STXBP6: variants seen among roughly 807,000 people sequenced by gnomAD.
STXBP6 encodes syntaxin binding protein 6, also known as syntaxin-binding protein 6.
Under a neutral mutation model 26.9 loss-of-function variants are expected in STXBP6, and 21 were observed. That is an observed-to-expected ratio of 0.78 (90% CI 0.55 to 1.12). The LOEUF (loss-of-function observed/expected upper bound fraction) is 1.12, where lower values mean the gene tolerates loss of function less well. Among genes scored for constraint, STXBP6 ranks in the 50% most tolerant of loss-of-function variants. STXBP6 has a pLI of 0.00. For missense variants in STXBP6, 232 were observed against 257.9 expected (o/e 0.90, Z 0.69); for synonymous variants, 97 against 92.6 (o/e 1.05, Z -0.27).
intron 2 of STXBP6, among the ~76,000 whole-genome samples, chr14:24,932,071 C>T (rs2072433009): frequency 6.6e-6 from 1 of 152,032 alleles, no homozygotes; most frequent in African/African-American, 2.4e-5. Context: ...ATCTTGGAAG[C>T]CACAGCACCC....
chr14:24,982,376 CCTT>C (rs1332457199), intron 1 of STXBP6, among the ~76,000 whole-genome samples: 2 of 152,262 alleles, frequency 1.3e-5, no homozygotes, highest in East Asian at 3.9e-4. Context: ...AAAATGGTAC[CCTT>C]CTTCTGTCCA....
chr14:24,940,398 C>T (rs2072759134), intron 2 of STXBP6, among the ~76,000 whole-genome samples: 1 of 152,144 alleles, frequency 6.6e-6, no homozygotes, highest in Non-Finnish European at 1.5e-5. Context: ...AAGCATTCTG[C>T]CAAACAGTGG....
rs74348668 is a variant in STXBP6 at position 24,963,461 on chromosome 14, C to T, written c.154+11204G>A. ...CAGTGTAGCGTAAGGTCTACAACCT[C>T]GGCCACATTGGATCCACACAAAGTG... On this transcript the variant is annotated intron_variant, in intron 2 of 5. Coordinates refer to ENST00000323944, the MANE Select transcript of STXBP6 (RefSeq NM_001394410.1). 1.2e-4 allele frequency among the ~76,000 whole-genome samples: 18 copies of T among 152,172 alleles called. No homozygotes were observed. In the East Asian group the frequency reaches 2.7e-3, roughly 23 times the overall value.
chr14:25,016,361 A>G (rs549872999), intron 1 of STXBP6, among the ~76,000 whole-genome samples: 1 of 152,132 alleles, frequency 6.6e-6, no homozygotes, highest in Non-Finnish European at 1.5e-5. Flanking sequence ...CTTCCTCTTT[A>G]CTTTGTGCTA....
chr14:24,915,057 T>C (rs1458770560), intron 2 of STXBP6, among the ~76,000 whole-genome samples: 3 of 152,144 alleles, frequency 2.0e-5, no homozygotes, highest in Admixed American at 2.0e-4. Context: ...GAATCACAGA[T>C]GAGGACAATT....
intron 2 of STXBP6, among the ~76,000 whole-genome samples, chr14:24,957,136 G>A (rs1241283767): frequency 1.3e-5 from 2 of 152,140 alleles, no homozygotes; most frequent in Non-Finnish European, 2.9e-5. Context: ...TGTCCCCATT[G>A]TCTAGGAAAG....
chr14:24,992,551 C>T (rs2140293183), intron 1 of STXBP6, among the ~76,000 whole-genome samples: 1 of 152,270 alleles, frequency 6.6e-6, no homozygotes, highest in South Asian at 2.1e-4. Context: ...GTTGGTATAG[C>T]TACTCAACTC....
intron 2 of STXBP6, among the ~76,000 whole-genome samples, chr14:24,966,731 C>T (rs1288281051): frequency 6.6e-6 from 1 of 152,162 alleles, no homozygotes; most frequent in Non-Finnish European, 1.5e-5. Context: ...TACTACACAA[C>T]AGAAGAAAAC....
intron 2 of STXBP6, among the ~76,000 whole-genome samples, chr14:24,943,581 G>T (rs1194183593): frequency 6.6e-6 from 1 of 152,126 alleles, no homozygotes; most frequent in Non-Finnish European, 1.5e-5. Flanking sequence ...TGTTAAAAAG[G>T]TAAACTCAAT....
chr14:24,963,145 C>T (rs1368859064), intron 2 of STXBP6, among the ~76,000 whole-genome samples: 6 of 152,002 alleles, frequency 3.9e-5, no homozygotes, highest in Non-Finnish European at 8.8e-5. Flanking sequence ...AATATGTATA[C>T]ATTTAGAGGA....
chr14:25,015,047 G>A (rs1341834393), intron 1 of STXBP6, among the ~76,000 whole-genome samples: 1 of 152,020 alleles, frequency 6.6e-6, no homozygotes, highest in Non-Finnish European at 1.5e-5. Context: ...ATATTTCTAT[G>A]AGCCTTTTGA....
chr14:24,901,699 C>G (rs927284328), intron 2 of STXBP6, among the ~76,000 whole-genome samples: 7 of 132,514 alleles, frequency 5.3e-5, no homozygotes, highest in African/African-American at 1.7e-4. Flanking sequence ...TATACTAACA[C>G]ATGAAACAAT....
At chr14:24,944,277 T>C (rs2072904250) in intron 2 of STXBP6, among the ~76,000 whole-genome samples, 1 of 152,174 alleles carries the variant, frequency 6.6e-6, no homozygotes, top group African/African-American at 2.4e-5. Context: ...GCTGACCACC[T>C]AGGAAAGCAG....
intron 1 of STXBP6, among the ~76,000 whole-genome samples, chr14:25,048,736 C>A (rs1958380): frequency 2.0e-5 from 3 of 152,226 alleles, no homozygotes; most frequent in African/African-American, 7.2e-5. Context: ...TCGGCTGAAG[C>A]TCCTCCACCC....
chr14:24,938,216 C>A (rs1566492915), intron 2 of STXBP6, among the ~76,000 whole-genome samples: 1 of 152,112 alleles, frequency 6.6e-6, no homozygotes, highest in African/African-American at 2.4e-5. Context: ...CAGTATGAAC[C>A]AAAATGTGTG....
At chr14:24,899,854 T>TTGAACCC (rs2071149762) in intron 2 of STXBP6, among the ~76,000 whole-genome samples, 3 of 151,044 alleles carry the variant, frequency 2.0e-5, no homozygotes, top group Admixed American at 1.3e-4. Flanking sequence ...TGGTAAGAAT[T>TTGAACCC]TGAACCCTGG....
intron 2 of STXBP6, among the ~76,000 whole-genome samples, chr14:24,912,347 A>G (rs2071603581): frequency 6.6e-6 from 1 of 151,546 alleles, no homozygotes; most frequent in African/African-American, 2.4e-5. Context: ...TATAAAAGGT[A>G]TCTTGAATGG....
intron 1 of STXBP6, among the ~76,000 whole-genome samples, chr14:24,998,347 C>A (rs1244455426): frequency 6.6e-6 from 1 of 152,076 alleles, no homozygotes; most frequent in Non-Finnish European, 1.5e-5. Flanking sequence ...ATAATATATT[C>A]TTACGCATAT....
chr14:25,036,634 C>T (rs529873992), intron 1 of STXBP6, among the ~76,000 whole-genome samples: 8 of 152,164 alleles, frequency 5.3e-5, no homozygotes, highest in African/African-American at 1.9e-4. Context: ...GCGGGCCGAT[C>T]GTGAAGTCAG....
Sources: allele counts gnomAD v4.1 joint callset (sites outside exome capture counted in the v4.1 genomes callset), GRCh38; gene constraint gnomAD v4.1.1; transcripts MANE v1.5; gene names NCBI Gene and HGNC (gene_info 2026-07-23, HGNC 2026-07-21).